The following CDH4 variants were observed in gnomAD, a reference collection of about 807,000 sequenced individuals.
The protein encoded by CDH4 is cadherin 4, also known as cadherin-4.
CDH4 carries 33 observed loss-of-function variants against 86.0 expected under a neutral mutation model. That is an observed-to-expected ratio of 0.38 (90% CI 0.29 to 0.51). CDH4 has a LOEUF of 0.51. Ranked by LOEUF, CDH4 falls within the 20% of genes least tolerant of loss-of-function variation. The pLI is 0.86. For synonymous variants in CDH4, 555 were observed against 549.4 expected, an observed-to-expected ratio of 1.01 and a Z score of -0.14; for missense variants, 1,114 against 1,307.4, an observed-to-expected ratio of 0.85 and a Z score of 2.28.
intron 2 of CDH4, among the ~76,000 whole-genome samples, chr20:61,724,523 G>C (rs923896800): frequency 6.6e-6 from 1 of 152,188 alleles, no homozygotes; most frequent in Non-Finnish European, 1.5e-5. Flanking sequence ...CTGCAGTGTT[G>C]GCTCTACCAA....
chr20:61,886,602 G>T (rs939189826), intron 7 of CDH4, among the ~76,000 whole-genome samples: 1 of 152,186 alleles, frequency 6.6e-6, no homozygotes, highest in African/African-American at 2.4e-5. Flanking sequence ...GGTTGACGTG[G>T]GGAGCAGAGG....
chr20:61,850,267 CA>C (rs1478951105), intron 5 of CDH4, among the ~76,000 whole-genome samples: 1 of 152,254 alleles, frequency 6.6e-6, no homozygotes, highest in Non-Finnish European at 1.5e-5. Context: ...GCCAATCTCA[CA>C]GATTCTGATG....
chr20:61,586,273 G>T (rs1323507194), intron 2 of CDH4, among the ~76,000 whole-genome samples: 1 of 152,170 alleles, frequency 6.6e-6, no homozygotes, highest in Admixed American at 6.5e-5. Flanking sequence ...TGGTGGTGAT[G>T]GTGATAGTGG....
intron 2 of CDH4, among the ~76,000 whole-genome samples, chr20:61,305,513 C>G (rs2084411579): frequency 6.6e-6 from 1 of 152,244 alleles, no homozygotes; most frequent in African/African-American, 2.4e-5. Context: ...AGCCTGAGGT[C>G]CTCACGACAT....
At chr20:61,468,253 G>A (rs757131961) in intron 2 of CDH4, among the ~76,000 whole-genome samples, 3 of 152,100 alleles carry the variant, frequency 2.0e-5, no homozygotes, top group Non-Finnish European at 4.4e-5. Flanking sequence ...GGCCCAAGGT[G>A]CCCAGGGAAA....
At chr20:61,432,534 A>T (rs1385603378) in intron 2 of CDH4, among the ~76,000 whole-genome samples, 2 of 151,958 alleles carry the variant, frequency 1.3e-5, no homozygotes, top group African/African-American at 2.4e-5. Flanking sequence ...TCTAGATATA[A>T]TTTTTGCCAG....
At chr20:61,653,777 C>T (rs1192984631) in intron 2 of CDH4, among the ~76,000 whole-genome samples, 1 of 95,924 alleles carries the variant, frequency 1.0e-5, no homozygotes, top group African/African-American at 3.4e-5. Context: ...TCCCCACATC[C>T]CAGACGATGG....
At chr20:61,805,492 C>G (rs1046180261) in intron 4 of CDH4, among the ~76,000 whole-genome samples, 1 of 152,210 alleles carries the variant, frequency 6.6e-6, no homozygotes, top group African/African-American at 2.4e-5. Context: ...TTTCCGGGAT[C>G]CAGAGGGTAC....
chr20:61,903,717 C>T (rs1354964375), intron 8 of CDH4, among the ~76,000 whole-genome samples: 1 of 152,122 alleles, frequency 6.6e-6, no homozygotes, highest in Admixed American at 6.6e-5. Flanking sequence ...CGAGAGGCAG[C>T]CCCCAGGGGG....
At chr20:61,345,774 G>A (rs1051995123) in intron 2 of CDH4, among the ~76,000 whole-genome samples, 6 of 152,350 alleles carry the variant, frequency 3.9e-5, no homozygotes, top group Admixed American at 2.0e-4. Context: ...TCCTCGGGGA[G>A]GGCTCTTTGT....
chr20:61,913,871 A>G (rs1007403556), intron 9 of CDH4, among the ~76,000 whole-genome samples: 5 of 152,130 alleles, frequency 3.3e-5, no homozygotes, highest in Non-Finnish European at 7.4e-5. Context: ...TTGCCATGTG[A>G]CAGCTTGGCA....
intron 4 of CDH4, among the ~76,000 whole-genome samples, chr20:61,793,613 A>C: frequency 1.3e-5 from 2 of 148,368 alleles, no homozygotes; most frequent in Middle Eastern, 8.3e-3. Flanking sequence ...AGGCCGAGGC[A>C]GGTGGATCAC....
chr20:61,454,812 G>A (rs1175169818), intron 2 of CDH4, among the ~76,000 whole-genome samples: 1 of 152,124 alleles, frequency 6.6e-6, no homozygotes, highest in African/African-American at 2.4e-5. Context: ...TGTGGCAAAC[G>A]CAGGAGCCTG....
At chr20:61,519,735 G>C (rs1384668241) in intron 2 of CDH4, among the ~76,000 whole-genome samples, 2 of 152,230 alleles carry the variant, frequency 1.3e-5, no homozygotes, top group African/African-American at 4.8e-5. Flanking sequence ...CTAGTTCCTG[G>C]GCGCAGGACG....
chr20:61,765,885 T>G (rs1206630884), intron 3 of CDH4, among the ~76,000 whole-genome samples: 1 of 151,998 alleles, frequency 6.6e-6, no homozygotes, highest in African/African-American at 2.4e-5. Context: ...AGTCACTTGC[T>G]GGGGTCACCT....
chr20:61,590,700 C>T (rs1011789172), intron 2 of CDH4, among the ~76,000 whole-genome samples: 1 of 152,026 alleles, frequency 6.6e-6, no homozygotes, highest in South Asian at 2.1e-4. Context: ...CCACGTTTGG[C>T]TCAGTGGGCC....
intron 2 of CDH4, among the ~76,000 whole-genome samples, chr20:61,472,135 C>G (rs1017276908): frequency 2.6e-5 from 4 of 152,134 alleles, no homozygotes; most frequent in African/African-American, 4.8e-5. Context: ...ATTGAGGTCT[C>G]TCTCTCTCTT....
intron 2 of CDH4, among the ~76,000 whole-genome samples, chr20:61,659,475 T>C (rs1004556124): frequency 2.6e-5 from 4 of 152,232 alleles, no homozygotes; most frequent in African/African-American, 9.6e-5. Context: ...AGCTGCCTGC[T>C]TCCTGGAGCT....
chr20:61,634,860 T>C (rs1479351115), intron 2 of CDH4, among the ~76,000 whole-genome samples: 1 of 152,234 alleles, frequency 6.6e-6, no homozygotes, highest in East Asian at 1.9e-4. Flanking sequence ...TGTCCGTCTC[T>C]GTGATTTTGA....
Sources: gnomAD v4.1 joint callset for allele counts (sites outside exome capture counted in the v4.1 genomes callset) on GRCh38, gnomAD v4.1.1 for gene constraint, MANE v1.5 for transcripts, NCBI Gene and HGNC (gene_info 2026-07-23, HGNC 2026-07-21) for gene names.